The following CEP128 variants were observed in gnomAD, a reference collection of about 807,000 sequenced individuals.
CEP128 encodes the protein centrosomal protein 128kDa.
A neutral mutation model predicts 156.7 loss-of-function variants in CEP128; 132 were observed. The ratio of observed to expected loss-of-function variants is 0.84; its 90% CI spans 0.73 to 0.97. The LOEUF (loss-of-function observed/expected upper bound fraction) is 0.97. CEP128 is among the 50% of genes least tolerant of loss of function. The pLI is 0.00. For synonymous variants in CEP128, 469 were observed against 448.9 expected (o/e 1.04, Z -0.57); for missense variants, 1,252 against 1,281.9 (o/e 0.98, Z 0.36).
chr14:80,599,837 C>A (rs1359706056), intron 19 of CEP128, among the ~76,000 whole-genome samples: 1 of 151,816 alleles, frequency 6.6e-6, no homozygotes, highest in Non-Finnish European at 1.5e-5. Context: ...ATAAAGAGAT[C>A]TAAAAAATAA....
At chr14:80,833,367 A>AATTGCTAGCAAAT in intron 12 of CEP128, among the ~76,000 whole-genome samples, 1 of 151,842 alleles carries the variant, frequency 6.6e-6, no homozygotes, top group Admixed American at 6.6e-5. Context: ...TGGTATGTTT[A>AATTGCTAGCAAAT]CATATATATA....
downstream of CEP128, among the ~76,000 whole-genome samples, chr14:80,486,239 C>T (rs947661201): frequency 2.6e-5 from 4 of 151,570 alleles, no homozygotes; most frequent in African/African-American, 7.3e-5. Flanking sequence ...CCTCAGGAGC[C>T]GATGTGATCA....
At chr14:80,520,355 G>C (rs891474519) in intron 23 of CEP128, among the ~76,000 whole-genome samples, 3 of 151,934 alleles carry the variant, frequency 2.0e-5, no homozygotes, top group African/African-American at 7.3e-5. Context: ...GGAGGCAGAG[G>C]TTGCAGTGAG....
downstream of CEP128, among the ~76,000 whole-genome samples, chr14:80,486,367 T>C (rs1887165385): frequency 6.6e-6 from 1 of 151,998 alleles, no homozygotes; most frequent in Admixed American, 6.5e-5. Flanking sequence ...TATGGGACTA[T>C]GTGAAAAGAC....
At chr14:80,853,104 A>G (rs1886975311) in intron 9 of CEP128, among the ~76,000 whole-genome samples, 1 of 151,866 alleles carries the variant, frequency 6.6e-6, no homozygotes, top group African/African-American at 2.4e-5. Context: ...ATAAATAAAT[A>G]AATAACAGCA....
chr14:80,864,519 T>C lies in CEP128; in HGVS notation c.646-1646A>G, dbSNP rs370822563. On this transcript the variant is annotated intron_variant, in intron 8 of 24. Coordinates refer to ENST00000555265, the MANE Select transcript of CEP128 (RefSeq NM_152446.5). ...CAACTTTGTCACCATAGCTAATACA[T>C]ATGATGATACAGAGTTACTATACTT... Among the ~76,000 whole-genome samples, 14 of 152,218 alleles carry C rather than the reference T, an allele frequency of 9.2e-5. 1 individual carries two copies. In the East Asian group the frequency reaches 1.7e-3, roughly 19 times the overall value.
chr14:80,956,018 A>G (rs1886657898), intron 2 of CEP128: 1 of 777,934 alleles, frequency 1.3e-6, no homozygotes, highest in East Asian at 2.7e-5. Context: ...TAAAAACTTA[A>G]TCGCCCACAC....
At chr14:80,499,284 C>G (rs1311799424) in intron 24 of CEP128, among the ~76,000 whole-genome samples, 3 of 152,184 alleles carry the variant, frequency 2.0e-5, no homozygotes, top group African/African-American at 7.2e-5. Flanking sequence ...GTGTGCTATT[C>G]TTGCTGTGGA....
At chr14:80,671,355 A>G (rs1262364157) in intron 19 of CEP128, among the ~76,000 whole-genome samples, 2 of 152,182 alleles carry the variant, frequency 1.3e-5, no homozygotes, top group African/African-American at 4.8e-5. Context: ...AAGGCCTTGG[A>G]TTGTAGGTAA....
intron 19 of CEP128, among the ~76,000 whole-genome samples, chr14:80,657,391 C>T (rs1190594314): frequency 3.3e-5 from 5 of 151,670 alleles, no homozygotes; most frequent in Non-Finnish European, 5.9e-5. Context: ...GTGGCTCACG[C>T]TTGTAATCCC....
rs1233103116 is a variant in CEP128, at chr14:80,647,011, A to ATATATATATATATATATATG, written c.2807-66589_2807-66588insCATATATATATATATATATA. The stretch of plus-strand genomic sequence containing the variant: ...TTATAAGAAATATATATATATATAT[A>ATATATATATATATATATATG]TGTGTGTGTATATATATGTGTGCAT... On this transcript the variant is annotated intron_variant, in intron 19 of 24. Transcript: ENST00000555265. Among the ~76,000 whole-genome samples, 30 of 72,530 alleles carry ATATATATATATATATATATG rather than the reference A, an allele frequency of 4.1e-4. 2 individuals are homozygous for ATATATATATATATATATATG. Among genetic ancestry groups the ATATATATATATATATATATG allele is most frequent in the South Asian group, 1.4e-3 (3 of 2,098 alleles). The allele number at this position is 72,530 out of a possible 152,430, so 47.6% of individuals were successfully genotyped here.
chr14:80,811,113 T>C (rs539737556), intron 13 of CEP128, among the ~76,000 whole-genome samples: 1 of 152,324 alleles, frequency 6.6e-6, no homozygotes, highest in African/African-American at 2.4e-5. Context: ...ACAAAGGACA[T>C]GATCTCACTC....
intron 13 of CEP128, among the ~76,000 whole-genome samples, chr14:80,821,033 G>A (rs1319711125): frequency 1.1e-4 from 16 of 151,516 alleles, no homozygotes; most frequent in Non-Finnish European, 2.9e-5. Flanking sequence ...CATATGTTAT[G>A]TATTAGGAAC....
At chr14:80,667,713 C>T (rs185059388) in intron 19 of CEP128, among the ~76,000 whole-genome samples, 10 of 152,008 alleles carry the variant, frequency 6.6e-5, no homozygotes, top group Middle Eastern at 3.4e-3. Context: ...AAAAAATTAG[C>T]TGGGTGTGGT....
intron 19 of CEP128, among the ~76,000 whole-genome samples, chr14:80,657,309 T>TA (rs1489306684): frequency 1.3e-5 from 2 of 151,492 alleles, no homozygotes; most frequent in Non-Finnish European, 2.9e-5. Flanking sequence ...TAAAAGGAAG[T>TA]AATCTATTTT....
chr14:80,612,302 G>T (rs553655275), intron 19 of CEP128, among the ~76,000 whole-genome samples: 22 of 152,224 alleles, frequency 1.4e-4, no homozygotes, highest in African/African-American at 4.8e-4. Context: ...GGTAAAAGGG[G>T]TGAAAGAGAA....
chr14:80,757,180 A>G (rs927858239), intron 17 of CEP128, among the ~76,000 whole-genome samples: 23 of 152,354 alleles, frequency 1.5e-4, no homozygotes, highest in African/African-American at 5.5e-4. Flanking sequence ...TTTGATGGAA[A>G]AATCAACTAT....
intron 16 of CEP128, among the ~76,000 whole-genome samples, chr14:80,765,283 A>G (rs951440540): frequency 1.3e-5 from 2 of 152,170 alleles, no homozygotes; most frequent in South Asian, 2.1e-4. Flanking sequence ...TCGCAGTTTC[A>G]TGTTTTAGAA....
At chr14:80,547,704 G>T (rs1178879903) in intron 21 of CEP128, among the ~76,000 whole-genome samples, 1 of 151,868 alleles carries the variant, frequency 6.6e-6, no homozygotes, top group East Asian at 1.9e-4. Flanking sequence ...AGGGTAAGTT[G>T]TTTGATAGTA....
Sources: allele counts gnomAD v4.1 joint callset (sites outside exome capture counted in the v4.1 genomes callset), GRCh38; gene constraint gnomAD v4.1.1; transcripts MANE v1.5; gene names NCBI Gene and HGNC (gene_info 2026-07-23, HGNC 2026-07-21).